NCALD: variants seen among roughly 807,000 people sequenced by gnomAD.
NCALD encodes neurocalcin-delta.
In NCALD, 10 loss-of-function variants were observed where a neutral mutation model predicts 18.6. That is an observed-to-expected ratio of 0.54 (90% CI 0.33 to 0.91). NCALD has a LOEUF of 0.91. Among genes scored for constraint, NCALD ranks in the 40% least tolerant of loss-of-function variants. NCALD has a pLI of 0.03. For synonymous variants in NCALD, 88 were observed against 87.4 expected (o/e 1.01, Z -0.04); for missense variants, 184 against 247.6 (o/e 0.74, Z 1.72).
At chr8:101,897,689 AGT>A (rs767057238) in intron 3 of NCALD, among the ~76,000 whole-genome samples, 34 of 152,168 alleles carry the variant, frequency 2.2e-4, no homozygotes, top group Admixed American at 4.6e-4. Flanking sequence ...TGTCCAGGAG[AGT>A]GTTTCTGGGT....
At chr8:101,772,939 G>T (rs1424518617) in intron 1 of NCALD, among the ~76,000 whole-genome samples, 1 of 152,186 alleles carries the variant, frequency 6.6e-6, no homozygotes, top group South Asian at 2.1e-4. Flanking sequence ...AGGGGTAGGA[G>T]TAGACCCTAG....
At chr8:101,769,623 CT>C (rs945146847) in intron 1 of NCALD, among the ~76,000 whole-genome samples, 2,243 of 146,106 alleles carry the variant, frequency 0.015, 42 homozygotes, top group African/African-American at 0.049. Context: ...TTCTTTCTTC[CT>C]TTTTTTTTTT....
At chr8:101,893,286 T>C (rs1163975910) in intron 3 of NCALD, among the ~76,000 whole-genome samples, 2 of 150,948 alleles carry the variant, frequency 1.3e-5, no homozygotes, top group South Asian at 4.2e-4. Flanking sequence ...GAAGGAGAAA[T>C]AAAATACTTT....
At chr8:102,050,683 TTA>T (rs1006750939) in intron 1 of NCALD, among the ~76,000 whole-genome samples, 86 of 147,680 alleles carry the variant, frequency 5.8e-4, no homozygotes, top group African/African-American at 2.0e-3. Flanking sequence ...ATTCTACCAT[TTA>T]TGTTTGTATA....
intron 2 of NCALD, among the ~76,000 whole-genome samples, chr8:101,952,099 T>A (rs1299751981): frequency 6.6e-6 from 1 of 152,224 alleles, no homozygotes; most frequent in Non-Finnish European, 1.5e-5. Flanking sequence ...CCCTGGAAGA[T>A]GCCGGGCAGG....
At position 101,741,959 on chromosome 8, in the gene NCALD, G is replaced by GAAA. The variant is rs3028654; in HGVS notation, c.-19-22314_-19-22312dup. ...CTCAAAAAAAAAAAAAAAAAGAAAA[G>GAAA]AAAAAAAAAAAGGGCCGGGTGCGGT... On this transcript the variant is annotated intron_variant, in intron 1 of 3. Transcript: ENST00000220931. 3.3e-3 allele frequency among the ~76,000 whole-genome samples: 397 copies of GAAA among 121,704 alleles called. 2 individuals carry two copies. Among genetic ancestry groups the GAAA allele is most frequent in the Non-Finnish European group, 4.6e-3 (286 of 61,998 alleles). 79.8% of individuals were successfully genotyped at this position (121,704 alleles called of 152,430 possible). A position where few individuals can be genotyped will look rare whatever the true frequency, so the allele number is the denominator to read the frequency against.
In NCALD at chr8:101,756,517, A is replaced by G. The variant is rs117459907; in HGVS notation, c.-20+34345T>C. Among the ~76,000 whole-genome samples, 1,108 of 152,354 alleles carry G rather than the reference A, an allele frequency of 7.3e-3. 9 individuals are homozygous for G. The highest frequency in any genetic ancestry group is 8.7e-3 in the Non-Finnish European group (589 of 68,016). ...GTGCAGGGTAGACCAATGAGACCTC[A>G]GCAGTCTATGCTATGCATTTGGAAG... On this transcript the variant is annotated intron_variant, in intron 1 of 3. Transcript: ENST00000220931.
chr8:101,871,864 G>A, intron 4 of NCALD: 1 of 581,758 alleles, frequency 1.7e-6, no homozygotes, highest in African/African-American at 1.9e-5. Flanking sequence ...CCTCCTCATG[G>A]GGACAGAGCT....
At chr8:101,803,965 A>G (rs1438215679) in intron 4 of NCALD, among the ~76,000 whole-genome samples, 2 of 152,152 alleles carry the variant, frequency 1.3e-5, no homozygotes, top group African/African-American at 4.8e-5. Flanking sequence ...GGAAGAGCCA[A>G]CCGATGTGGT....
intron 1 of NCALD, among the ~76,000 whole-genome samples, chr8:101,720,465 G>T (rs74772903): frequency 0.092 from 14,026 of 152,188 alleles, 952 homozygotes; most frequent in African/African-American, 0.19. Flanking sequence ...TACTAACCCT[G>T]AGAGATAACA....
rs1811689706 is a variant in NCALD, at chr8:101,773,961, G to C, written c.-20+16901C>G. Among the ~76,000 whole-genome samples, 4 of 152,078 alleles carry C rather than the reference G, an allele frequency of 2.6e-5. No individual in the cohort carries two copies. In the South Asian group the frequency reaches 8.3e-4, roughly 32 times the overall value. On this transcript the variant is annotated intron_variant, in intron 1 of 3. Transcript: ENST00000220931. Reference sequence around the variant, plus strand: ...CTAATGTTAACATACCTTAAACGTAGGTAATGAAAAATGACTAATTCAGTG... The same window carrying C: ...CTAATGTTAACATACCTTAAACGTACGTAATGAAAAATGACTAATTCAGTG...
At chr8:101,704,866 C>G (rs967802862) in intron 2 of NCALD, among the ~76,000 whole-genome samples, 1 of 150,674 alleles carries the variant, frequency 6.6e-6, no homozygotes, top group Non-Finnish European at 1.5e-5. Flanking sequence ...TTGCAGTAAG[C>G]TGAGATCGCG....
intron 2 of NCALD, among the ~76,000 whole-genome samples, chr8:101,940,007 C>T (rs990193071): frequency 1.8e-4 from 28 of 152,290 alleles, no homozygotes; most frequent in African/African-American, 5.8e-4. Context: ...CATATAAGAG[C>T]GGCTTTTAAG....
intron 4 of NCALD, among the ~76,000 whole-genome samples, chr8:101,829,653 A>G (rs7840760): frequency 0.67 from 101,810 of 151,386 alleles, 35,155 homozygotes; most frequent in Middle Eastern, 0.77. Flanking sequence ...TTTTTCCCAT[A>G]CGTGGCACAC....
At chr8:102,049,715 G>A (rs985832673) in intron 1 of NCALD, among the ~76,000 whole-genome samples, 2 of 152,132 alleles carry the variant, frequency 1.3e-5, no homozygotes, top group Non-Finnish European at 2.9e-5. Context: ...TTGGTGTCCC[G>A]TGTACTGAAT....
chr8:101,842,917 G>T, intron 4 of NCALD, among the ~76,000 whole-genome samples: 1 of 152,132 alleles, frequency 6.6e-6, no homozygotes, highest in East Asian at 1.9e-4. Flanking sequence ...GAGGTGGTTG[G>T]GGGGAAGATG....
chr8:101,811,291 T>C (rs995322208), intron 4 of NCALD, among the ~76,000 whole-genome samples: 2 of 152,136 alleles, frequency 1.3e-5, no homozygotes, highest in Non-Finnish European at 2.9e-5. Flanking sequence ...TAGGGCAGCA[T>C]AAGAGGGTCT....
chr8:102,008,916 CTACACACACACACA>C (rs1477564579), intron 2 of NCALD, among the ~76,000 whole-genome samples: 7 of 21,228 alleles, frequency 3.3e-4, no homozygotes, highest in South Asian at 1.7e-3. Context: ...CCCCGCCCCC[CTACACACACACACA>C]CACACACACA....
Position 101,790,952 on chromosome 8 carries a change from A to G in NCALD, c.-110T>C, listed in dbSNP as rs1433834818. Reference sequence around the variant, plus strand: ...GCAGCAGCAAGGTCCAGCATCCACCAGATTCTCACAAGCCTTTGACTGTGT... The same window carrying G: ...GCAGCAGCAAGGTCCAGCATCCACCGGATTCTCACAAGCCTTTGACTGTGT... On this transcript the variant is annotated 5_prime_UTR_variant, in exon 1 of 4. Transcript: ENST00000220931. 1 of 152,312 alleles carries G rather than the reference A, an allele frequency of 6.6e-6. No individual in the cohort carries two copies. Among genetic ancestry groups the G allele is most frequent in the Non-Finnish European group, 1.5e-5 (1 of 68,100 alleles). The allele number at this position is 152,312 out of a possible 1,614,324, so 9.4% of individuals were successfully genotyped here.
Sources: gnomAD v4.1 joint callset for allele counts (sites outside exome capture counted in the v4.1 genomes callset) on GRCh38, gnomAD v4.1.1 for gene constraint, MANE v1.5 for transcripts, NCBI Gene and HGNC (gene_info 2026-07-23, HGNC 2026-07-21) for gene names.